Variants in C20orf96 observed in about 807,000 individuals in gnomAD.
The protein encoded by C20orf96 is chromosome 20 open reading frame 96.
Under a neutral mutation model 52.6 loss-of-function variants are expected in C20orf96, and 57 were observed. The observed-to-expected ratio is 1.08, with a 90% CI of 0.88 to 1.35. C20orf96 has a LOEUF of 1.35. C20orf96 is among the 40% of genes most tolerant of loss of function. The probability of loss-of-function intolerance (pLI) is 0.00; values close to 1 mark genes in which losing one functional copy is unlikely to be tolerated. For missense variants in C20orf96, 478 were observed against 443.6 expected (o/e 1.08, Z -0.70); for synonymous variants, 168 against 157.2 (o/e 1.07, Z -0.51).
At chr20:282,821 G>A (rs1234920419) in intron 4 of C20orf96, among the ~76,000 whole-genome samples, 1 of 152,138 alleles carries the variant, frequency 6.6e-6, no homozygotes, top group Non-Finnish European at 1.5e-5. Context: ...GCAGTGACCT[G>A]AGATCTTGCC....
intron 3 of C20orf96, among the ~76,000 whole-genome samples, chr20:289,001 C>T (rs1005798733): frequency 4.6e-4 from 70 of 152,168 alleles, no homozygotes; most frequent in African/African-American, 1.6e-3. Flanking sequence ...CCCAAGGCCT[C>T]GGAACTCCCC....
intron 10 of C20orf96, among the ~76,000 whole-genome samples, chr20:273,162 A>G (rs966414427): frequency 7.2e-5 from 11 of 152,026 alleles, no homozygotes; most frequent in African/African-American, 2.7e-4. Flanking sequence ...TTTTGTAGAG[A>G]TGGGGTTTCA....
chr20:286,510 G>A (rs1014500887), intron 3 of C20orf96, among the ~76,000 whole-genome samples: 5 of 149,396 alleles, frequency 3.3e-5, no homozygotes, highest in Admixed American at 2.7e-4. Context: ...GAGACAGAGA[G>A]AGAGAGAGAC....
chr20:287,194 T>C (rs1485420591), intron 3 of C20orf96, among the ~76,000 whole-genome samples: 1 of 152,216 alleles, frequency 6.6e-6, no homozygotes, highest in Non-Finnish European at 1.5e-5. Context: ...GTAAAACTGC[T>C]GGGTCGGATT....
chr20:287,908 C>CAAAAAAAA (rs71327437), intron 3 of C20orf96, among the ~76,000 whole-genome samples: 2,501 of 62,978 alleles, frequency 0.04, 215 homozygotes, highest in East Asian at 0.09. Flanking sequence ...GACTCCTTCT[C>CAAAAAAAA]AAAAAAAAAA....
chr20:290,418 G>T, intron 1 of C20orf96, 111 bp from the exon 2 acceptor site: 1 of 1,553,590 alleles, frequency 6.4e-7, no homozygotes, highest in Non-Finnish European at 8.7e-7. Context: ...AGTTTACCGG[G>T]GACAATAGCC....
chr20:276,428 AT>A, intron 9 of C20orf96: 1 of 985,394 alleles, frequency 1.0e-6, no homozygotes, highest in South Asian at 4.7e-5. Context: ...GATAATGAAA[AT>A]TAATTCAAGA....
At chr20:272,581 CCCA>C (rs1385343060) in intron 10 of C20orf96, among the ~76,000 whole-genome samples, 2 of 152,114 alleles carry the variant, frequency 1.3e-5, no homozygotes, top group African/African-American at 4.8e-5. Context: ...GTCTCGAACT[CCCA>C]GCCTCAAGCG....
At chr20:282,017 C>A (rs1184937688) in intron 4 of C20orf96, among the ~76,000 whole-genome samples, 1 of 152,194 alleles carries the variant, frequency 6.6e-6, no homozygotes, top group South Asian at 2.1e-4. Context: ...TATTCAAGGT[C>A]ACACATAGCA....
chr20:271,443 T>TACACACAC (rs71191933), intron 10 of C20orf96, among the ~76,000 whole-genome samples, 176 bp from the exon 11 acceptor site: 145 of 134,644 alleles, frequency 1.1e-3, no homozygotes, highest in Non-Finnish European at 1.8e-3. Context: ...TACACAAGCA[T>TACACACAC]ACACACACAC....
chr20:284,115 G>A (rs537291696), intron 3 of C20orf96, 34 bp from the exon 4 acceptor site: 1 of 1,572,242 alleles, frequency 6.4e-7, no homozygotes, highest in South Asian at 1.1e-5. Context: ...GGGAGAGAGT[G>A]AGGGTCCCGG....
chr20:274,808 T>C (rs1381097625), intron 10 of C20orf96, among the ~76,000 whole-genome samples: 2 of 146,002 alleles, frequency 1.4e-5, no homozygotes, highest in African/African-American at 2.5e-5. Context: ...TCTTTTTTCT[T>C]TTTTTTTTAA....
rs563266555 is a variant in C20orf96, at chr20:270,895, G to T, written c.*312C>A. 1.4e-4 allele frequency: 53 copies of T among 369,330 alleles called. No individual in the cohort carries two copies. The highest frequency in any genetic ancestry group is 1.0e-3 in the African/African-American group (48 of 46,818). The allele number at this position is 369,330 out of a possible 1,614,324, so 22.9% of individuals were successfully genotyped here. On this transcript the variant is annotated 3_prime_UTR_variant, in exon 11 of 11. Transcript: ENST00000360321. The stretch of plus-strand genomic sequence containing the variant: ...TAAATCCAGCTTTATTGGTAAAAAA[G>T]GAATAGCAGATTTAATCAGAAATTC...
At chr20:288,473 C>G (rs565972155) in intron 3 of C20orf96, among the ~76,000 whole-genome samples, 1 of 152,086 alleles carries the variant, frequency 6.6e-6, no homozygotes, top group Middle Eastern at 3.2e-3. Flanking sequence ...CTGACTCTCT[C>G]TCTAGGGTAG....
At chr20:276,602 G>C (rs987807646) in intron 9 of C20orf96, 191 bp downstream of exon 9, 1 of 985,308 alleles carries the variant, frequency 1.0e-6, no homozygotes, top group Admixed American at 6.1e-5. Flanking sequence ...GCAAGGCCTA[G>C]GTCAGTGCCA....
In C20orf96 at chr20:272,589, C is replaced by T. The variant is rs201674601; in HGVS notation, c.1032-1322G>A. ...CCCCCTGGTCTCGAACTCCCAGCCT[C>T]AAGCGATCCTTCTTCCTCATCCTCC... On this transcript the variant is annotated intron_variant, in intron 10 of 10. Coordinates refer to ENST00000360321, the MANE Select transcript of C20orf96 (RefSeq NM_153269.3). 1.6e-4 allele frequency among the ~76,000 whole-genome samples: 24 copies of T among 152,318 alleles called. No homozygotes were observed. In the East Asian group the frequency reaches 2.9e-3, roughly 18 times the overall value.
intron 5 of C20orf96, 125 bp from the exon 6 acceptor site, chr20:278,554 C>T (rs1458822394): frequency 9.6e-6 from 7 of 732,592 alleles, no homozygotes; most frequent in Non-Finnish European, 1.7e-5. Context: ...AGAGGCTAAT[C>T]GGGACAGTAA....
Position 290,289 on chromosome 20 carries a change from A to T in C20orf96, c.39T>A (p.Thr13=). 6.2e-7 allele frequency: 1 copy of T among 1,612,976 alleles called. No individual in the cohort carries two copies. Among genetic ancestry groups the T allele is most frequent in the East Asian group, 2.2e-5 (1 of 44,866 alleles). The stretch of plus-strand genomic sequence containing the variant: ...CCTGGAACTCCTGGACTATGGAGTG[A>T]GTCCCAGAGTGCTTGGGTCTGGAAA... ...HVLQKPKHSG[T]HSIVQEFQVP... Residue 13 remains threonine, a synonymous_variant, in exon 2 of 11, where the codon ACT becomes ACA. Coordinates refer to ENST00000360321, the MANE Select transcript of C20orf96 (RefSeq NM_153269.3).
chr20:278,195 T>C, intron 6 of C20orf96, 135 bp downstream of exon 6: 2 of 737,554 alleles, frequency 2.7e-6, no homozygotes, highest in South Asian at 1.5e-5. Context: ...CTCTGTATCT[T>C]AGCATTCCCA....
Sources: gnomAD v4.1 joint callset for allele counts (sites outside exome capture counted in the v4.1 genomes callset) on GRCh38, gnomAD v4.1.1 for gene constraint, MANE v1.5 for transcripts, NCBI Gene and HGNC (gene_info 2026-07-23, HGNC 2026-07-21) for gene names.